PLCB1: variants seen among roughly 807,000 people sequenced by gnomAD.
PLCB1 encodes the protein 1-phosphatidylinositol 4,5-bisphosphate phosphodiesterase beta-1.
A neutral mutation model predicts 161.8 loss-of-function variants in PLCB1; 46 were observed. That is an observed-to-expected ratio of 0.28 (90% CI 0.22 to 0.36). The LOEUF (loss-of-function observed/expected upper bound fraction) is 0.36, where lower values mean the gene tolerates loss of function less well. Ranked by LOEUF, PLCB1 falls within the 10% of genes least tolerant of loss-of-function variation. The pLI is 1.00. For missense variants in PLCB1, 1,016 were observed against 1,472.5 expected (o/e 0.69, Z 5.07); for synonymous variants, 517 against 503.7 (o/e 1.03, Z -0.35).
chr20:8,756,853 A>G (rs1981761971), intron 23 of PLCB1, among the ~76,000 whole-genome samples, 193 bp from the exon 24 acceptor site: 1 of 152,186 alleles, frequency 6.6e-6, no homozygotes, highest in Admixed American at 6.5e-5. Context: ...TGGAGACTTT[A>G]ATACAATTAA....
chr20:8,455,400 A>G (rs1224036863), intron 3 of PLCB1, among the ~76,000 whole-genome samples: 1 of 145,574 alleles, frequency 6.9e-6, no homozygotes, highest in Non-Finnish European at 1.5e-5. Flanking sequence ...AATGAGATAT[A>G]TATAACAATT....
chr20:8,505,248 C>T (rs1412293441), intron 3 of PLCB1, among the ~76,000 whole-genome samples: 1 of 152,196 alleles, frequency 6.6e-6, no homozygotes, highest in African/African-American at 2.4e-5. Context: ...ACACTCTCAA[C>T]AATGATTCTT....
intron 10 of PLCB1, among the ~76,000 whole-genome samples, chr20:8,691,988 T>G (rs993452441): frequency 1.3e-5 from 2 of 152,184 alleles, no homozygotes; most frequent in African/African-American, 4.8e-5. Context: ...CAACCTATAC[T>G]TGTGCACCTC....
intron 31 of PLCB1, among the ~76,000 whole-genome samples, chr20:8,835,045 A>G (rs1986226965): frequency 6.6e-6 from 1 of 152,194 alleles, no homozygotes; most frequent in Non-Finnish European, 1.5e-5. Flanking sequence ...ACACCCTCAC[A>G]GAAACATTCA....
At chr20:8,192,081 T>C (rs2051976266) in intron 2 of PLCB1, among the ~76,000 whole-genome samples, 1 of 152,018 alleles carries the variant, frequency 6.6e-6, no homozygotes, top group Non-Finnish European at 1.5e-5. Context: ...GTCAGTATAG[T>C]AACATAAGTA....
At chr20:8,491,400 G>A (rs752042285) in intron 3 of PLCB1, among the ~76,000 whole-genome samples, 12 of 151,954 alleles carry the variant, frequency 7.9e-5, no homozygotes, top group Non-Finnish European at 1.8e-4. Flanking sequence ...CAGACATTAC[G>A]TTCTCAAATA....
At chr20:8,658,283 CTG>C (rs1271769105) in intron 8 of PLCB1, among the ~76,000 whole-genome samples, 1 of 152,124 alleles carries the variant, frequency 6.6e-6, no homozygotes, top group Non-Finnish European at 1.5e-5. Context: ...TGTTTTCCCA[CTG>C]TGGGTTTTCT....
chr20:8,622,187 G>A (rs1988204497), intron 3 of PLCB1, among the ~76,000 whole-genome samples: 1 of 151,388 alleles, frequency 6.6e-6, no homozygotes, highest in Non-Finnish European at 1.5e-5. Context: ...CAGGGAGGAA[G>A]AGGTTGCAGT....
chr20:8,169,515 A>G (rs538705878), intron 2 of PLCB1, among the ~76,000 whole-genome samples: 1 of 152,254 alleles, frequency 6.6e-6, no homozygotes, highest in East Asian at 1.9e-4. Context: ...GTAAATTTTA[A>G]TATATATTGT....
chr20:8,838,263 A>C (rs964867132), intron 31 of PLCB1, among the ~76,000 whole-genome samples: 5 of 152,100 alleles, frequency 3.3e-5, no homozygotes, highest in Non-Finnish European at 5.9e-5. Context: ...TCCTTCTCCA[A>C]ATGGACCTAT....
intron 1 of PLCB1, among the ~76,000 whole-genome samples, chr20:8,149,824 T>C (rs2051491512): frequency 6.6e-6 from 1 of 152,172 alleles, no homozygotes; most frequent in African/African-American, 2.4e-5. Context: ...TCTGAATATG[T>C]AGAAGATGGC....
Position 8,777,427 on chromosome 20 carries a change from T to C in PLCB1, c.3111+2708T>C, listed in dbSNP as rs114053094. 6.8e-3 allele frequency among the ~76,000 whole-genome samples: 1,034 copies of C among 152,158 alleles called. 13 individuals are homozygous for C. The highest frequency in any genetic ancestry group is 0.022 in the African/African-American group (930 of 41,496). ...ACAGGGTGAATGTTGCTTAGAAGTC[T>C]GGACATCCCAGCTGGGTGCGGTGGC... On this transcript the variant is annotated intron_variant, in intron 27 of 31. Transcript: ENST00000338037.
intron 3 of PLCB1, among the ~76,000 whole-genome samples, chr20:8,618,814 C>A (rs548998498): frequency 1.3e-5 from 2 of 152,220 alleles, no homozygotes; most frequent in South Asian, 4.1e-4. Flanking sequence ...AGACATCAAA[C>A]CTTATCAAGG....
chr20:8,372,804 T>A (rs1986945731), intron 3 of PLCB1, among the ~76,000 whole-genome samples: 1 of 152,228 alleles, frequency 6.6e-6, no homozygotes, highest in African/African-American at 2.4e-5. Context: ...ATAATGCAGC[T>A]ATGAAATTTA....
intron 1 of PLCB1, among the ~76,000 whole-genome samples, chr20:8,136,486 C>T (rs190619016): frequency 7.2e-5 from 11 of 152,010 alleles, no homozygotes; most frequent in African/African-American, 1.4e-4. Flanking sequence ...ATTAGCCGGG[C>T]GTGGTGGCGG....
chr20:8,158,348 G>A (rs2051584684), intron 2 of PLCB1, among the ~76,000 whole-genome samples: 1 of 152,162 alleles, frequency 6.6e-6, no homozygotes, highest in African/African-American at 2.4e-5. Flanking sequence ...TGATGGTACT[G>A]ATGGAGACAT....
chr20:8,503,823 A>G (rs529959144), intron 3 of PLCB1, among the ~76,000 whole-genome samples: 44 of 152,304 alleles, frequency 2.9e-4, no homozygotes, highest in African/African-American at 1.0e-3. Context: ...ATTAAGTAAC[A>G]TAAATAAAAA....
At chr20:8,433,051 C>T (rs1980126220) in intron 3 of PLCB1, among the ~76,000 whole-genome samples, 1 of 152,178 alleles carries the variant, frequency 6.6e-6, no homozygotes, top group African/African-American at 2.4e-5. Context: ...GCACTATCAG[C>T]AGAGGTTCAC....
chr20:8,289,185 G>A (rs62195915), intron 2 of PLCB1, among the ~76,000 whole-genome samples: 16,863 of 152,196 alleles, frequency 0.11, 1,421 homozygotes, highest in Non-Finnish European at 0.17. Context: ...ATTAGTGTGT[G>A]CTTTATTAGT....
Sources: allele counts gnomAD v4.1 joint callset (sites outside exome capture counted in the v4.1 genomes callset), GRCh38; gene constraint gnomAD v4.1.1; transcripts MANE v1.5; gene names NCBI Gene and HGNC (gene_info 2026-07-23, HGNC 2026-07-21).